Variants in WDR45B observed in about 807,000 individuals in gnomAD.
WDR45B encodes WD repeat domain 45B.
A neutral mutation model predicts 44.6 loss-of-function variants in WDR45B; 20 were observed. That is an observed-to-expected ratio of 0.45 (90% CI 0.32 to 0.65). The LOEUF is 0.65. Among genes scored for constraint, WDR45B ranks in the 30% least tolerant of loss-of-function variants. The pLI, the probability that WDR45B is intolerant of heterozygous loss-of-function variation, is 0.05. For synonymous variants in WDR45B, 169 were observed against 164.9 expected, an observed-to-expected ratio of 1.02 and a Z score of -0.19; for missense variants, 323 against 430.2, an observed-to-expected ratio of 0.75 and a Z score of 2.20.
intron 5 of WDR45B, among the ~76,000 whole-genome samples, chr17:82,623,732 CATT>C (rs2045652313): frequency 6.6e-6 from 1 of 151,308 alleles, no homozygotes. Flanking sequence ...TCTTACATCT[CATT>C]ATAAGATAAA....
In WDR45B at chr17:82,648,387, G is replaced by A. The variant is rs752254266; in HGVS notation, c.-47C>T. ...CGCTCCTCAGCGCTGCATGCCTCTC[G>A]CTGGGGACGGCGGCCTGGTCCCTTC... On this transcript the variant is annotated 5_prime_UTR_variant, in exon 1 of 10. Coordinates refer to ENST00000392325, the MANE Select transcript of WDR45B (RefSeq NM_019613.4). The A allele has an allele frequency of 5.7e-6, 9 of 1,589,044 alleles. No individual in the cohort carries two copies. The highest frequency in any genetic ancestry group is 2.3e-5 in the East Asian group (1 of 43,038).
At chr17:82,625,553 TTATCA>T (rs2045684565) in intron 4 of WDR45B, 70 bp from the exon 5 acceptor site, 1 of 1,367,152 alleles carries the variant, frequency 7.3e-7, no homozygotes, top group African/African-American at 1.4e-5. Flanking sequence ...GCTCCTGTTC[TTATCA>T]TACTGAAACT....
At chr17:82,643,696 G>GA (rs951956923) in intron 2 of WDR45B, among the ~76,000 whole-genome samples, 3 of 152,310 alleles carry the variant, frequency 2.0e-5, no homozygotes, top group Non-Finnish European at 2.9e-5. Context: ...AAAGGCACAA[G>GA]AAGTTCATGC....
At chr17:82,617,871 C>A (rs2143244935) in intron 7 of WDR45B, among the ~76,000 whole-genome samples, 1 of 152,170 alleles carries the variant, frequency 6.6e-6, no homozygotes, top group East Asian at 1.9e-4. Context: ...CTATGCACAC[C>A]ACAAGGCCCA....
At position 82,647,759 on chromosome 17, in the gene WDR45B, G is replaced by A. The variant is rs529348100; in HGVS notation, c.67+515C>T. ...GAGGCGTCGGAGACGCCGGCTCCGC[G>A]GCTCCAGTAAACCCAAGCGAAGTCA... On this transcript the variant is annotated intron_variant, in intron 1 of 9. Transcript: ENST00000392325. Among the ~76,000 whole-genome samples, 534 of 152,044 alleles carry A rather than the reference G, an allele frequency of 3.5e-3. 2 individuals carry two copies. Among genetic ancestry groups the A allele is most frequent in the Non-Finnish European group, 6.4e-3 (434 of 67,992 alleles).
At position 82,643,942 on chromosome 17, in the gene WDR45B, T is replaced by A. The variant is rs751047479; in HGVS notation, c.142+7A>T. The A allele has an allele frequency of 7.4e-6, 12 of 1,613,530 alleles. No homozygotes were observed. The highest frequency in any genetic ancestry group is 1.3e-5 in the African/African-American group (1 of 74,918). ...GAGAAACCAGAAAATGTCCCGTTAATTCTTACCTTGTTTCTCTTTTTCTTT... is the reference window on the plus strand; with the variant it reads ...GAGAAACCAGAAAATGTCCCGTTAAATCTTACCTTGTTTCTCTTTTTCTTT... On this transcript the variant is annotated splice_region_variant and intron_variant, in intron 2 of 9. Transcript: ENST00000392325.
Position 82,615,913 on chromosome 17 carries a change from C to G in WDR45B, c.*6G>C, listed in dbSNP as rs1391908126. The G allele has an allele frequency of 6.2e-7, 1 of 1,613,170 alleles. No homozygotes were observed. Among genetic ancestry groups the G allele is most frequent in the Non-Finnish European group, 8.5e-7 (1 of 1,179,574 alleles). ...GTGGTGGGTGCTGTGGCGCCCCCAG[C>G]TGGAGTCACAGCTTGTCATCGGTCA... is the stretch of plus-strand genomic sequence containing the variant. On this transcript the variant is annotated 3_prime_UTR_variant, in exon 10 of 10. Transcript: ENST00000392325.
chr17:82,623,387 C>CAAAAA (rs59311520), intron 5 of WDR45B, among the ~76,000 whole-genome samples: 1 of 99,456 alleles, frequency 1.0e-5, no homozygotes, highest in African/African-American at 3.5e-5. Context: ...ACTCTATCTC[C>CAAAAA]AAAAAAAAAA....
intron 1 of WDR45B, among the ~76,000 whole-genome samples, chr17:82,645,464 T>A (rs1280119951): frequency 6.6e-6 from 1 of 151,404 alleles, no homozygotes; most frequent in Non-Finnish European, 1.5e-5. Flanking sequence ...AAAATGCAAA[T>A]AAACAACAGA....
Position 82,619,101 on chromosome 17 carries a change from A to T in WDR45B, c.646T>A (p.Ser216Thr). The T allele has an allele frequency of 1.2e-6, 2 of 1,614,196 alleles. No individual in the cohort carries two copies. Among genetic ancestry groups the T allele is most frequent in the Non-Finnish European group, 1.7e-6 (2 of 1,180,034 alleles). ...KGTLIRIFDT[S>T]SGHLIQELRR... Reference sequence around the variant, plus strand: ...AGTTCCTGGATTAAATGCCCTGATGAAGTATCAAATATTCTTATAAGCGTC... The same window carrying T: ...AGTTCCTGGATTAAATGCCCTGATGTAGTATCAAATATTCTTATAAGCGTC... The change falls in exon 7 of 10, where the codon TCA becomes ACA. Residue 216 changes from serine to threonine, a missense_variant. Transcript: ENST00000392325.
intron 2 of WDR45B, among the ~76,000 whole-genome samples, chr17:82,638,509 T>C (rs1339792138): frequency 6.6e-6 from 1 of 151,664 alleles, no homozygotes; most frequent in Non-Finnish European, 1.5e-5. Context: ...CAGAGCCTGC[T>C]GCAAAACACA....
At position 82,614,809 on chromosome 17, in the gene WDR45B, G is replaced by C. The variant is rs550319353; in HGVS notation, c.*1110C>G. On this transcript the variant is annotated 3_prime_UTR_variant, in exon 10 of 10. Coordinates refer to ENST00000392325, the MANE Select transcript of WDR45B (RefSeq NM_019613.4). ...AATCTGAAATCAAAACCATAAAATA[G>C]AGTTTAACGGGAATTTAAGAAAATT... 2.0e-5 allele frequency: 3 copies of C among 152,136 alleles called. No homozygotes were observed. In the South Asian group the frequency reaches 6.2e-4, roughly 32 times the overall value. 9.4% of individuals were successfully genotyped at this position (152,136 alleles called of 1,614,324 possible).
chr17:82,642,059 C>A (rs1191453264), intron 2 of WDR45B, among the ~76,000 whole-genome samples: 2 of 152,052 alleles, frequency 1.3e-5, no homozygotes, highest in African/African-American at 4.8e-5. Context: ...GGGTGGCAGC[C>A]GAGGGAGGGC....
At chr17:82,647,836 C>T (rs995064104) in intron 1 of WDR45B, among the ~76,000 whole-genome samples, 1 of 151,860 alleles carries the variant, frequency 6.6e-6, no homozygotes, top group African/African-American at 2.4e-5. Flanking sequence ...GGGGGCAAAA[C>T]GGGGTTCTGG....
intron 6 of WDR45B, among the ~76,000 whole-genome samples, chr17:82,620,945 T>G (rs541782950): frequency 1.3e-5 from 2 of 152,274 alleles, no homozygotes; most frequent in South Asian, 4.1e-4. Flanking sequence ...TATCAGGCTG[T>G]GAAGACAGGA....
intron 2 of WDR45B, among the ~76,000 whole-genome samples, chr17:82,633,056 A>G (rs1225521900): frequency 1.3e-5 from 2 of 151,052 alleles, no homozygotes; most frequent in South Asian, 2.1e-4. Context: ...CCAGCTATAT[A>G]GGAGTCTGTG....
chr17:82,622,225 A>G (rs2045628915), intron 5 of WDR45B, among the ~76,000 whole-genome samples: 1 of 152,176 alleles, frequency 6.6e-6, no homozygotes, highest in South Asian at 2.1e-4. Flanking sequence ...TACAAGACCT[A>G]TCCATGGACT....
In WDR45B at chr17:82,643,427, C is replaced by T. The variant is rs892148772; in HGVS notation, c.142+522G>A. Among the ~76,000 whole-genome samples the T allele has an allele frequency of 5.9e-5, 9 of 151,516 alleles. No individual in the cohort carries two copies. In the Middle Eastern group the frequency reaches 0.01, roughly 172 times the overall value. On this transcript the variant is annotated intron_variant, in intron 2 of 9. Transcript: ENST00000392325. ...CAGCCTGGGCGACAGAGCAAGATCC[C>T]GTCTCGGAAGAAGGAAAAAAAAAAA...
chr17:82,648,192 G>A (rs1383659747), intron 1 of WDR45B, 82 bp downstream of exon 1: 1 of 1,488,210 alleles, frequency 6.7e-7, no homozygotes, highest in Non-Finnish European at 9.1e-7. Flanking sequence ...GGAAAGGGGC[G>A]CCCAGGAGAG....
Sources: gnomAD v4.1 joint callset for allele counts (sites outside exome capture counted in the v4.1 genomes callset) on GRCh38, gnomAD v4.1.1 for gene constraint, MANE v1.5 for transcripts, NCBI Gene and HGNC (gene_info 2026-07-23, HGNC 2026-07-21) for gene names.